The following HDAC9 variants were observed in gnomAD, a reference collection of about 807,000 sequenced individuals.
HDAC9 encodes the protein histone deacetylase 9.
A neutral mutation model predicts 139.4 loss-of-function variants in HDAC9; 41 were observed. The ratio of observed to expected loss-of-function variants is 0.29; its 90% CI spans 0.23 to 0.38. The LOEUF is 0.38. Among genes scored for constraint, HDAC9 ranks in the 10% least tolerant of loss-of-function variants. The pLI is 1.00. For missense variants in HDAC9, 1,147 were observed against 1,297.0 expected (o/e 0.88, Z 1.78); for synonymous variants, 517 against 476.2 (o/e 1.09, Z -1.12).
At chr7:18,956,747 G>GT (rs1211678629) in intron 24 of HDAC9, among the ~76,000 whole-genome samples, 1 of 152,110 alleles carries the variant, frequency 6.6e-6, no homozygotes, top group Non-Finnish European at 1.5e-5. Flanking sequence ...CAGGGGAGCT[G>GT]TTTTTAGTCT....
rs151250461 is a variant in HDAC9, at chr7:18,948,899, G to T, written c.2938-5247G>T. 44 of 290,682 alleles carry T rather than the reference G, an allele frequency of 1.5e-4. 1 individual carries two copies. The East Asian group carries it at 3.9e-3, about 26-fold the overall frequency. The allele number at this position is 290,682 out of a possible 1,614,324, so 18.0% of individuals were successfully genotyped here. On this transcript the variant is annotated intron_variant, in intron 23 of 25. Coordinates refer to ENST00000686413, the MANE Select transcript of HDAC9 (RefSeq NM_178425.4). ...TCTAACAAGCTGTTTAAACTATTAA[G>T]GAGACTTCTTGCTCCACTGCCAGAG... is the stretch of plus-strand genomic sequence containing the variant.
intron 2 of HDAC9, among the ~76,000 whole-genome samples, chr7:18,265,589 GT>G (rs1318031274): frequency 6.6e-6 from 1 of 150,736 alleles, no homozygotes; most frequent in Non-Finnish European, 1.5e-5. Flanking sequence ...TTAGTCACAA[GT>G]TTTTTTCATT....
intron 12 of HDAC9, among the ~76,000 whole-genome samples, chr7:18,694,907 C>A (rs1220265392): frequency 6.6e-6 from 1 of 152,012 alleles, no homozygotes; most frequent in Non-Finnish European, 1.5e-5. Context: ...ATATTTCCTC[C>A]CTCCTACTCC....
intron 1 of HDAC9, among the ~76,000 whole-genome samples, chr7:18,401,297 T>G (rs1474825461): frequency 6.6e-6 from 1 of 152,190 alleles, no homozygotes; most frequent in Non-Finnish European, 1.5e-5. Context: ...CTCTCTACTC[T>G]GTATACATCT....
chr7:18,300,703 A>G (rs1217651043), intron 1 of HDAC9, among the ~76,000 whole-genome samples: 1 of 152,180 alleles, frequency 6.6e-6, no homozygotes, highest in African/African-American at 2.4e-5. Context: ...TATATACCAC[A>G]CACCATTCCA....
intron 12 of HDAC9, among the ~76,000 whole-genome samples, chr7:18,688,562 T>C (rs575967495): frequency 3.7e-4 from 57 of 152,078 alleles, no homozygotes; most frequent in African/African-American, 1.3e-3. Flanking sequence ...ATTTTGATAC[T>C]GACTTCTGGG....
Position 18,624,344 on chromosome 7 carries a change from G to A in HDAC9, c.665-5006G>A, listed in dbSNP as rs558166018. Among the ~76,000 whole-genome samples the A allele has an allele frequency of 2.0e-5, 3 of 152,248 alleles. 1 individual carries two copies. The South Asian group carries it at 6.2e-4, about 32-fold the overall frequency. ...GAGGATATTTTCTTTTAGGTGAGAA[G>A]AGAAAAAGGTATTGGGTCTGTTCTG... On this transcript the variant is annotated intron_variant, in intron 6 of 25. Coordinates refer to ENST00000686413, the MANE Select transcript of HDAC9 (RefSeq NM_178425.4).
chr7:18,566,763 T>G (rs1216344406), intron 2 of HDAC9, among the ~76,000 whole-genome samples: 1 of 152,240 alleles, frequency 6.6e-6, no homozygotes, highest in Non-Finnish European at 1.5e-5. Flanking sequence ...TGTTAATTTA[T>G]TCATTACTTG....
At chr7:18,160,309 C>T (rs547338717) in intron 1 of HDAC9, among the ~76,000 whole-genome samples, 6 of 152,228 alleles carry the variant, frequency 3.9e-5, no homozygotes, top group Non-Finnish European at 7.4e-5. Context: ...AAGAATGTAT[C>T]AAGAGCATTT....
intron 12 of HDAC9, among the ~76,000 whole-genome samples, chr7:18,693,420 A>G (rs918775773): frequency 3.3e-5 from 5 of 152,222 alleles, no homozygotes; most frequent in Admixed American, 6.6e-5. Context: ...AAGAAGGTCA[A>G]AATATTTTTA....
intron 2 of HDAC9, among the ~76,000 whole-genome samples, chr7:18,568,048 A>G (rs1583480038): frequency 7.0e-6 from 1 of 143,450 alleles, no homozygotes; most frequent in Non-Finnish European, 1.5e-5. Context: ...ATATATATAT[A>G]TATATGTAAG....
chr7:18,859,597 T>A (rs1797937874), intron 21 of HDAC9, among the ~76,000 whole-genome samples: 1 of 150,908 alleles, frequency 6.6e-6, no homozygotes, highest in East Asian at 1.9e-4. Flanking sequence ...AAAGGCCACA[T>A]CAAAAGGTAG....
chr7:18,946,101 G>A (rs1225262581), intron 23 of HDAC9, among the ~76,000 whole-genome samples: 1 of 133,000 alleles, frequency 7.5e-6, no homozygotes, highest in Admixed American at 8.3e-5. Flanking sequence ...TGGCTCAGTA[G>A]TGTTAACTTT....
At chr7:18,923,147 G>C (rs1365893953) in intron 22 of HDAC9, among the ~76,000 whole-genome samples, 3 of 151,930 alleles carry the variant, frequency 2.0e-5, no homozygotes, top group Non-Finnish European at 4.4e-5. Flanking sequence ...CTTGTGATTG[G>C]GATAAGTGAA....
At chr7:18,340,692 C>G (rs1171578473) in intron 1 of HDAC9, among the ~76,000 whole-genome samples, 1 of 111,552 alleles carries the variant, frequency 9.0e-6, no homozygotes, top group Non-Finnish European at 2.0e-5. Context: ...ATAGATTTTA[C>G]TTTATATTAG....
At chr7:18,828,818 T>C (rs1795649385) in intron 17 of HDAC9, among the ~76,000 whole-genome samples, 1 of 152,222 alleles carries the variant, frequency 6.6e-6, no homozygotes, top group Non-Finnish European at 1.5e-5. Flanking sequence ...TCTCCCTCTG[T>C]AGGATGTTGA....
intron 22 of HDAC9, among the ~76,000 whole-genome samples, chr7:18,915,728 C>T (rs555483161): frequency 2.0e-5 from 3 of 151,678 alleles, no homozygotes; most frequent in East Asian, 3.9e-4. Flanking sequence ...TGTCTGACAG[C>T]CCAGAAATTA....
At chr7:18,942,052 A>C (rs759502647) in intron 23 of HDAC9, among the ~76,000 whole-genome samples, 11 of 152,082 alleles carry the variant, frequency 7.2e-5, no homozygotes, top group Non-Finnish European at 1.6e-4. Context: ...GAAAGAAAGC[A>C]GTTCTTTGCC....
In HDAC9 at chr7:18,280,587, C is replaced by CA. The variant is rs11310764; in HGVS notation, c.25+118250dup. Among the ~76,000 whole-genome samples the CA allele has an allele frequency of 5.6e-3, 786 of 139,484 alleles. 8 individuals carry two copies. The highest frequency in any genetic ancestry group is 0.02 in the African/African-American group (738 of 37,562). The allele number at this position is 139,484 out of a possible 152,430, so 91.5% of individuals were successfully genotyped here. ...TGGGTGACAGAGCGAGACTCTGTCT[C>CA]AAAAAAAAAAAACAAAAAACAAAAA... On this transcript the variant is annotated intron_variant, in intron 2 of 12. Coordinates refer to the HDAC9 transcript ENST00000417496.
Sources: gnomAD v4.1 joint callset for allele counts (sites outside exome capture counted in the v4.1 genomes callset) on GRCh38, gnomAD v4.1.1 for gene constraint, MANE v1.5 for transcripts, NCBI Gene and HGNC (gene_info 2026-07-23, HGNC 2026-07-21) for gene names.